The following CELF2 variants were observed in gnomAD, a reference collection of about 807,000 sequenced individuals.
CELF2 encodes the protein CUG triplet repeat RNA-binding protein 2.
Under a neutral mutation model 62.6 loss-of-function variants are expected in CELF2, and 8 were observed. The ratio of observed to expected loss-of-function variants is 0.13; its 90% CI spans 0.07 to 0.23. The LOEUF (loss-of-function observed/expected upper bound fraction) is 0.23, where lower values mean the gene tolerates loss of function less well. CELF2 is among the 10% of genes least tolerant of loss of function. CELF2 has a pLI of 1.00. For synonymous variants in CELF2, 258 were observed against 250.0 expected (o/e 1.03, Z -0.30); for missense variants, 333 against 671.0 (o/e 0.50, Z 5.56).
Position 11,143,481 on chromosome 10 carries a change from A to G in CELF2, c.75-22005A>G, listed in dbSNP as rs189492769. On this transcript the variant is annotated intron_variant, in intron 1 of 12. Coordinates refer to ENST00000633077, the MANE Select transcript of CELF2 (RefSeq NM_001326342.2). ...TTTTGTCTGACTGACGGACCCTTCCAGGCCAGACAGTTGCTGCCATTCATG... is the reference window on the plus strand; with the variant it reads ...TTTTGTCTGACTGACGGACCCTTCCGGGCCAGACAGTTGCTGCCATTCATG... Among the ~76,000 whole-genome samples, 96 of 152,322 alleles carry G rather than the reference A, an allele frequency of 6.3e-4. 1 individual carries two copies. Among genetic ancestry groups the G allele is most frequent in the Admixed American group, 1.4e-3 (21 of 15,306 alleles).
chr10:10,874,507 A>G (rs868224383), intron 1 of CELF2, among the ~76,000 whole-genome samples: 4 of 152,262 alleles, frequency 2.6e-5, no homozygotes, highest in African/African-American at 9.6e-5. Context: ...CTATGAGTTA[A>G]AAATTTATAA....
the CELF2 span, among the ~76,000 whole-genome samples, chr10:10,536,926 C>T: frequency 1.3e-5 from 2 of 152,194 alleles, no homozygotes. Context: ...GAGGAGGGGG[C>T]TCCACTGGCT....
At chr10:10,775,021 G>C in the CELF2 span, among the ~76,000 whole-genome samples, 1 of 151,954 alleles carries the variant, frequency 6.6e-6, no homozygotes, top group South Asian at 2.1e-4. Context: ...TGGGATCACA[G>C]GTGTTCACCA....
chr10:11,032,419 G>T (rs989037892), intron 1 of CELF2, among the ~76,000 whole-genome samples: 1 of 152,038 alleles, frequency 6.6e-6, no homozygotes, highest in South Asian at 2.1e-4. Context: ...GGAGTTTGAG[G>T]CCAGCCTGTC....
upstream of CELF2, among the ~76,000 whole-genome samples, chr10:11,016,710 G>T (rs144255777): frequency 4.1e-3 from 621 of 152,262 alleles, 5 homozygotes; most frequent in African/African-American, 0.014. The surrounding 1 kb of genome is among the most constrained non-coding windows in gnomAD (Gnocchi z 5.2). Context: ...AATTTGTGAG[G>T]AGAAAGCCCA....
the CELF2 span, among the ~76,000 whole-genome samples, chr10:10,622,076 C>T: frequency 6.6e-6 from 1 of 152,202 alleles, no homozygotes; most frequent in African/African-American, 2.4e-5. Context: ...AAAGTAGCCA[C>T]ACCTAAGCCT....
At chr10:10,594,627 G>A in the CELF2 span, among the ~76,000 whole-genome samples, 1 of 152,302 alleles carries the variant, frequency 6.6e-6, no homozygotes, top group East Asian at 1.9e-4. Flanking sequence ...ATCATTACAA[G>A]AATCAAAGGT....
the CELF2 span, among the ~76,000 whole-genome samples, chr10:10,493,242 CAG>C: frequency 3.9e-5 from 6 of 152,132 alleles, no homozygotes; most frequent in Admixed American, 3.3e-4. Flanking sequence ...TTCACAGAAA[CAG>C]AAAAGTAGAA....
At chr10:10,727,337 T>C in the CELF2 span, among the ~76,000 whole-genome samples, 4,503 of 152,300 alleles carry the variant, frequency 0.03, 202 homozygotes, top group African/African-American at 0.1. Flanking sequence ...GTCCTAACTT[T>C]CTTAGACATT....
chr10:11,313,565 C>T (rs1433185516), intron 9 of CELF2, among the ~76,000 whole-genome samples: 1 of 152,188 alleles, frequency 6.6e-6, no homozygotes, highest in African/African-American at 2.4e-5. Flanking sequence ...ATCACTATTT[C>T]AGAATCTTCC....
intron 1 of CELF2, among the ~76,000 whole-genome samples, chr10:11,006,042 T>G (rs918204145): frequency 2.6e-5 from 4 of 152,300 alleles, no homozygotes; most frequent in African/African-American, 9.6e-5. Context: ...TTGGGGGTTC[T>G]CTCACATACC....
upstream of CELF2, among the ~76,000 whole-genome samples, chr10:11,015,971 A>G (rs2137686301): frequency 6.6e-6 from 1 of 152,332 alleles, no homozygotes; most frequent in African/African-American, 2.4e-5. The surrounding 1 kb of genome is among the most constrained non-coding windows in gnomAD (Gnocchi z 4.8). Context: ...CCTTTATGCT[A>G]TGGCTGATTA....
chr10:10,854,168 T>C (rs1037783776), intron 1 of CELF2, among the ~76,000 whole-genome samples: 9 of 152,196 alleles, frequency 5.9e-5, no homozygotes, highest in African/African-American at 1.9e-4. Flanking sequence ...AGGACACTCA[T>C]GAGGACTCTG....
intron 1 of CELF2, among the ~76,000 whole-genome samples, chr10:10,851,012 G>A (rs1289129051): frequency 3.3e-5 from 5 of 152,020 alleles, no homozygotes; most frequent in Admixed American, 6.6e-5. Flanking sequence ...TGCCATGTTG[G>A]CCAAGCTGGT....
chr10:10,638,194 C>A, the CELF2 span, among the ~76,000 whole-genome samples: 75 of 152,316 alleles, frequency 4.9e-4, no homozygotes, highest in South Asian at 1.4e-3. Flanking sequence ...GCATCCTTGA[C>A]AATTCTTACT....
rs1192987170 is a variant in CELF2 at position 11,302,069 on chromosome 10, C to T, written c.977-12070C>T. Among the ~76,000 whole-genome samples, 1 of 152,208 alleles carries T rather than the reference C, an allele frequency of 6.6e-6. No homozygotes were observed. The highest frequency in any genetic ancestry group is 1.5e-5 in the Non-Finnish European group (1 of 68,036). On this transcript the variant is annotated intron_variant, in intron 9 of 12. Coordinates refer to ENST00000633077, the MANE Select transcript of CELF2 (RefSeq NM_001326342.2). The surrounding 1 kb of genome is among the most constrained non-coding windows in gnomAD (Gnocchi z 5.0). ...AGGGAAACGGACAAGCAAATCCCTGCTCTTCAACCGGCTGTCTTCTGGTGG... is the reference window on the plus strand; with the variant it reads ...AGGGAAACGGACAAGCAAATCCCTGTTCTTCAACCGGCTGTCTTCTGGTGG...
intron 2 of CELF2, among the ~76,000 whole-genome samples, chr10:11,213,479 G>A (rs566733564): frequency 1.3e-5 from 2 of 152,320 alleles, no homozygotes; most frequent in Admixed American, 6.5e-5. Context: ...TTGAGCCTTC[G>A]TGGTTTTTCA....
At chr10:10,927,262 T>C in intron 2 of CELF2, 1 of 147,970 alleles carries the variant, frequency 6.8e-6, no homozygotes, top group East Asian at 2.0e-4. Flanking sequence ...TTAAACTTAA[T>C]GTGGCCAGAA....
At chr10:11,151,530 T>C (rs1418224277) in intron 1 of CELF2, among the ~76,000 whole-genome samples, 1 of 152,220 alleles carries the variant, frequency 6.6e-6, no homozygotes, top group Non-Finnish European at 1.5e-5. Flanking sequence ...CTCTGGACTC[T>C]ACCATCACCT....
Sources: gnomAD v4.1 joint callset for allele counts (sites outside exome capture counted in the v4.1 genomes callset) on GRCh38, gnomAD v4.1.1 for gene constraint, Gnocchi (gnomAD v3.1) non-coding constraint, MANE v1.5 for transcripts, NCBI Gene and HGNC (gene_info 2026-07-23, HGNC 2026-07-21) for gene names.